NIN: variants seen among roughly 807,000 people sequenced by gnomAD.
NIN encodes glycogen synthase kinase 3 beta-interacting protein.
NIN carries 137 observed loss-of-function variants against 257.6 expected under a neutral mutation model. The ratio of observed to expected loss-of-function variants is 0.53; its 90% CI spans 0.46 to 0.61. The LOEUF (loss-of-function observed/expected upper bound fraction) is 0.61. Among genes scored for constraint, NIN ranks in the 20% least tolerant of loss-of-function variants. NIN has a pLI of 0.00. For synonymous variants in NIN, 918 were observed against 919.8 expected (o/e 1.00, Z 0.04); for missense variants, 2,439 against 2,501.2 (o/e 0.98, Z 0.53).
chr14:50,748,529 A>ATGAC (rs2041653334), intron 21 of NIN, among the ~76,000 whole-genome samples: 1 of 152,186 alleles, frequency 6.6e-6, no homozygotes, highest in Non-Finnish European at 1.5e-5. Flanking sequence ...AGGAAGTCAG[A>ATGAC]GTGTCTCTGT....
intron 28 of NIN, chr14:50,731,108 C>A: frequency 1.6e-5 from 5 of 317,640 alleles, no homozygotes; most frequent in Admixed American, 4.6e-5. Context: ...TGAATAAGAG[C>A]ATATGAAAGA....
chr14:50,816,724 T>C (rs1419090577), intron 3 of NIN, among the ~76,000 whole-genome samples: 1 of 152,154 alleles, frequency 6.6e-6, no homozygotes. Flanking sequence ...CATAAAAGTA[T>C]CCGTGAAATA....
chr14:50,782,044 G>C (rs2043156470), intron 5 of NIN, among the ~76,000 whole-genome samples: 1 of 151,256 alleles, frequency 6.6e-6, no homozygotes, highest in African/African-American at 2.4e-5. Flanking sequence ...ATGGGGGAAG[G>C]TTCATCTCAA....
intron 27 of NIN, among the ~76,000 whole-genome samples, chr14:50,737,587 A>T (rs1438255037): frequency 6.7e-6 from 1 of 149,178 alleles, no homozygotes. Context: ...GGCTTCTAAT[A>T]CTAATAAAGA....
intron 3 of NIN, among the ~76,000 whole-genome samples, chr14:50,815,303 T>C (rs2142339105): frequency 6.6e-6 from 1 of 152,342 alleles, no homozygotes; most frequent in South Asian, 2.1e-4. Flanking sequence ...TCAACATCAC[T>C]GATCATTAGA....
rs549302543 is a variant in NIN, at chr14:50,829,227, G to C, written c.-22+1237C>G. 1.2e-4 allele frequency among the ~76,000 whole-genome samples: 18 copies of C among 152,278 alleles called. No homozygotes were observed. In the South Asian group the frequency reaches 3.3e-3, roughly 28 times the overall value. On this transcript the variant is annotated intron_variant, in intron 2 of 30. Coordinates refer to ENST00000530997, the MANE Select transcript of NIN (RefSeq NM_020921.4). ...AACACACAAACTCGTTTTTCAGCCA[G>C]CCTGTAATGTTCCTCCTATACACAC...
At chr14:50,741,528 T>G in intron 25 of NIN, 54 bp downstream of exon 25, 1 of 1,529,304 alleles carries the variant, frequency 6.5e-7, no homozygotes, top group South Asian at 1.2e-5. Context: ...TGTCCTAAGA[T>G]TTGTATACTT....
chr14:50,763,585 G>C (rs529200382), intron 15 of NIN, among the ~76,000 whole-genome samples: 23 of 152,152 alleles, frequency 1.5e-4, no homozygotes, highest in Non-Finnish European at 1.5e-5. Context: ...TACCCTTGTG[G>C]TTTGATTCTT....
chr14:50,730,001 A>G (rs2040609868), intron 28 of NIN, among the ~76,000 whole-genome samples: 1 of 152,222 alleles, frequency 6.6e-6, no homozygotes, highest in African/African-American at 2.4e-5. Flanking sequence ...CACGATGTAC[A>G]TAATACATGT....
chr14:50,796,405 AGTGACAGTCTCTACAGAGCAC>A (rs374987572), intron 4 of NIN, among the ~76,000 whole-genome samples: 9 of 152,344 alleles, frequency 5.9e-5, no homozygotes, highest in Non-Finnish European at 1.0e-4. Context: ...TGTGGAAGTG[AGTGACAGTCTCTACAGAGCAC>A]GTGGGGAAAA....
chr14:50,825,344 G>A (rs1194197755), intron 2 of NIN, among the ~76,000 whole-genome samples: 5 of 152,188 alleles, frequency 3.3e-5, no homozygotes, highest in African/African-American at 1.2e-4. Flanking sequence ...AAATGATAAT[G>A]GCAGCAGGTA....
chr14:50,737,653 T>G (rs1481560032), intron 27 of NIN, among the ~76,000 whole-genome samples: 6 of 150,598 alleles, frequency 4.0e-5, no homozygotes. Flanking sequence ...GTTGTTTTTT[T>G]TTTTTTTTTT....
At chr14:50,763,710 ATTCTTTT>A (rs2042360984) in intron 15 of NIN, 109 bp downstream of exon 15, 3 of 864,728 alleles carry the variant, frequency 3.5e-6, no homozygotes, top group Non-Finnish European at 5.1e-6. Flanking sequence ...GTATGGCCAA[ATTCTTTT>A]TTTTTTTTTT....
At chr14:50,738,375 A>C in intron 26 of NIN, 89 bp from the exon 27 acceptor site, 1 of 1,111,590 alleles carries the variant, frequency 9.0e-7, no homozygotes, top group Non-Finnish European at 1.3e-6. Flanking sequence ...TTAATTCAGT[A>C]CTTGGGTCCT....
At chr14:50,766,438 C>T in intron 13 of NIN, 42 bp from the exon 14 acceptor site, 1 of 1,581,676 alleles carries the variant, frequency 6.3e-7, no homozygotes, top group Non-Finnish European at 8.7e-7. Context: ...TTCCCGAGTG[C>T]CCTTCTTTGA....
chr14:50,810,574 A>G (rs1049630837), intron 3 of NIN, among the ~76,000 whole-genome samples: 9 of 152,364 alleles, frequency 5.9e-5, no homozygotes, highest in Admixed American at 4.6e-4. Flanking sequence ...GAGATGGAGG[A>G]AAGATATTAA....
chr14:50,753,278 T>C (rs1035020157), intron 20 of NIN, among the ~76,000 whole-genome samples: 6 of 152,194 alleles, frequency 3.9e-5, no homozygotes, highest in African/African-American at 1.4e-4. Context: ...CATGTGCCTG[T>C]AATCCCAGCT....
At chr14:50,731,874 T>C (rs1249486145) in intron 28 of NIN, among the ~76,000 whole-genome samples, 4 of 152,228 alleles carry the variant, frequency 2.6e-5, no homozygotes, top group African/African-American at 9.6e-5. Flanking sequence ...AGAATGGATC[T>C]GATGTTAAAT....
At chr14:50,729,443 T>C in intron 29 of NIN, 80 bp downstream of exon 29, 3 of 1,370,144 alleles carry the variant, frequency 2.2e-6, no homozygotes, top group Non-Finnish European at 3.0e-6. Context: ...GTTCTTTCTC[T>C]CCACCTTTGA....
Sources: gnomAD v4.1 joint callset for allele counts (sites outside exome capture counted in the v4.1 genomes callset) on GRCh38, gnomAD v4.1.1 for gene constraint, MANE v1.5 for transcripts, NCBI Gene and HGNC (gene_info 2026-07-23, HGNC 2026-07-21) for gene names.